The following IGSF10 variants were observed in gnomAD, a reference collection of about 807,000 sequenced individuals.
IGSF10 encodes calvaria mechanical force protein 608.
In IGSF10, 126 loss-of-function variants were observed where a neutral mutation model predicts 128.2. The ratio of observed to expected loss-of-function variants is 0.98; its 90% CI spans 0.85 to 1.14. The LOEUF is 1.14. IGSF10 is among the 50% of genes most tolerant of loss of function. The pLI, the probability that IGSF10 is intolerant of heterozygous loss-of-function variation, is 0.00. For missense variants in IGSF10, 3,295 were observed against 3,149.8 expected (o/e 1.05, Z -1.10); for synonymous variants, 1,185 against 1,146.2 (o/e 1.03, Z -0.68).
At chr3:151,582,086 A>G in the IGSF10 span, among the ~76,000 whole-genome samples, 1 of 151,880 alleles carries the variant, frequency 6.6e-6, no homozygotes, top group Non-Finnish European at 1.5e-5. Context: ...CAAAACAAAA[A>G]TATACCATTA....
the IGSF10 span, among the ~76,000 whole-genome samples, chr3:151,494,270 GC>G: frequency 1.0e-4 from 14 of 135,274 alleles, no homozygotes; most frequent in Admixed American, 5.4e-4. Context: ...GTGAAATAAA[GC>G]AAAAAGAAGA....
At chr3:151,578,252 G>T in the IGSF10 span, among the ~76,000 whole-genome samples, 1 of 152,086 alleles carries the variant, frequency 6.6e-6, no homozygotes, top group South Asian at 2.1e-4. Context: ...GTAAGACAAG[G>T]ATTGGCAAAC....
At chr3:151,522,086 C>CA in the IGSF10 span, among the ~76,000 whole-genome samples, 1 of 152,012 alleles carries the variant, frequency 6.6e-6, no homozygotes, top group African/African-American at 2.4e-5. Flanking sequence ...TGAACACAAA[C>CA]TAGAAAACCT....
chr3:151,501,737 C>A, the IGSF10 span, among the ~76,000 whole-genome samples: 1 of 152,054 alleles, frequency 6.6e-6, no homozygotes, highest in Admixed American at 6.6e-5. Flanking sequence ...TAAGAGTCTT[C>A]ATAGGAACAT....
chr3:151,459,370 A>G (rs1362496402), intron 2 of IGSF10, among the ~76,000 whole-genome samples: 1 of 152,136 alleles, frequency 6.6e-6, no homozygotes, highest in Admixed American at 6.5e-5. Context: ...CTTCAGAAAC[A>G]TTTTTTAAAG....
At chr3:151,579,621 G>C in the IGSF10 span, among the ~76,000 whole-genome samples, 1 of 151,606 alleles carries the variant, frequency 6.6e-6, no homozygotes, top group Non-Finnish European at 1.5e-5. Flanking sequence ...AACTGCCAGA[G>C]AATTCAAAAA....
chr3:151,432,974 AAGG>A, downstream of IGSF10: 1 of 552,496 alleles, frequency 1.8e-6, no homozygotes, highest in East Asian at 3.1e-5. Flanking sequence ...ACAAAAAGCC[AAGG>A]AGAAGTTGTG....
chr3:151,510,856 G>A, the IGSF10 span, among the ~76,000 whole-genome samples: 616 of 152,282 alleles, frequency 4.0e-3, 2 homozygotes, highest in African/African-American at 0.014. Context: ...CTGGAAGAAA[G>A]GGTATCAGTG....
At chr3:151,511,853 A>G in the IGSF10 span, among the ~76,000 whole-genome samples, 1 of 152,356 alleles carries the variant, frequency 6.6e-6, no homozygotes, top group Admixed American at 6.5e-5. Flanking sequence ...AACAAAGATC[A>G]AAAGAGACAA....
the IGSF10 span, among the ~76,000 whole-genome samples, chr3:151,515,306 A>T: frequency 1.3e-5 from 2 of 151,962 alleles, no homozygotes; most frequent in African/African-American, 4.8e-5. Context: ...TGATGAGTTC[A>T]TGTCCTTTGT....
At chr3:151,550,139 A>T in the IGSF10 span, among the ~76,000 whole-genome samples, 1 of 152,194 alleles carries the variant, frequency 6.6e-6, no homozygotes, top group Admixed American at 6.5e-5. Flanking sequence ...AATTTGTCTT[A>T]TATTTTGACT....
chr3:151,437,996 T>C lies in IGSF10; in HGVS notation c.6565A>G (p.Arg2189Gly), dbSNP rs570246490. ...GACCCATTGGCATGAAATGTGTACC[T>C]ATCAATGGAGAAGGAAATCATGTCA... ...SNDMISFSID[R>G]YTFHANGSLT... The change falls in exon 8 of 8, where the codon AGG becomes GGG. Residue 2189 changes from arginine (R) to glycine (G), a missense_variant. By Grantham distance (125) the Arg-to-Gly change is moderately radical. Coordinates refer to ENST00000282466, the MANE Select transcript of IGSF10 (RefSeq NM_178822.5). 5.6e-5 allele frequency: 91 copies of C among 1,614,204 alleles called. No individual in the cohort carries two copies. In the South Asian group the frequency reaches 9.0e-4, roughly 16 times the overall value.
At chr3:151,613,863 G>C in the IGSF10 span, among the ~76,000 whole-genome samples, 1 of 152,110 alleles carries the variant, frequency 6.6e-6, no homozygotes, top group Non-Finnish European at 1.5e-5. Flanking sequence ...CACAGCAAAA[G>C]AAACTACCAT....
At chr3:151,453,836 T>C (rs1721643199) in intron 4 of IGSF10, 62 bp from the exon 5 acceptor site, 5 of 1,025,224 alleles carry the variant, frequency 4.9e-6, no homozygotes, top group Non-Finnish European at 7.2e-6. Context: ...GAGGGAAAAG[T>C]CCTATCAATA....
the IGSF10 span, among the ~76,000 whole-genome samples, chr3:151,610,155 A>G: frequency 6.6e-6 from 1 of 152,158 alleles, no homozygotes. Flanking sequence ...GGATGGTGGC[A>G]GTTGGGTGGA....
the IGSF10 span, among the ~76,000 whole-genome samples, chr3:151,614,252 A>G: frequency 6.6e-6 from 1 of 152,208 alleles, no homozygotes; most frequent in Non-Finnish European, 1.5e-5. Context: ...TCACTGTGGA[A>G]GTCAGTGTGG....
the IGSF10 span, among the ~76,000 whole-genome samples, chr3:151,531,853 T>C: frequency 6.6e-6 from 1 of 151,072 alleles, no homozygotes; most frequent in East Asian, 1.9e-4. Context: ...CTGAAGGAGA[T>C]AGAGACCTGA....
At chr3:151,564,195 A>G in the IGSF10 span, among the ~76,000 whole-genome samples, 3 of 152,208 alleles carry the variant, frequency 2.0e-5, no homozygotes, top group Admixed American at 2.0e-4. Context: ...GTTAGTTCTA[A>G]TAAACAATGT....
chr3:151,463,522 G>GCTTTTTTTTTT (rs1553837055), upstream of IGSF10, among the ~76,000 whole-genome samples: 1 of 31,870 alleles, frequency 3.1e-5, no homozygotes, highest in Non-Finnish European at 6.6e-5. Context: ...TACATTTTCT[G>GCTTTTTTTTTT]GTTTTTTTTT....
Sources: allele counts gnomAD v4.1 joint callset (sites outside exome capture counted in the v4.1 genomes callset), GRCh38; gene constraint gnomAD v4.1.1; transcripts MANE v1.5; gene names NCBI Gene and HGNC (gene_info 2026-07-23, HGNC 2026-07-21).